The following TENM2 variants were observed in gnomAD, a reference collection of about 807,000 sequenced individuals.
TENM2 encodes teneurin-2.
Under a neutral mutation model 245.2 loss-of-function variants are expected in TENM2, and 52 were observed. The observed-to-expected ratio is 0.21, with a 90% CI of 0.17 to 0.27. The LOEUF (loss-of-function observed/expected upper bound fraction) is 0.27, where lower values mean the gene tolerates loss of function less well. TENM2 is among the 10% of genes least tolerant of loss of function. The pLI, the probability that TENM2 is intolerant of heterozygous loss-of-function variation, is 1.00. For synonymous variants in TENM2, 1,363 were observed against 1,438.9 expected, an observed-to-expected ratio of 0.95 and a Z score of 1.19; for missense variants, 3,046 against 3,666.8, an observed-to-expected ratio of 0.83 and a Z score of 4.37.
At chr5:166,988,235 A>G in the TENM2 span, among the ~76,000 whole-genome samples, 3 of 152,208 alleles carry the variant, frequency 2.0e-5, no homozygotes, top group East Asian at 5.8e-4. Context: ...CCAGTAAATC[A>G]TAGCTAAGCC....
chr5:167,603,138 A>G (rs182265746), intron 2 of TENM2, among the ~76,000 whole-genome samples: 1 of 152,330 alleles, frequency 6.6e-6, no homozygotes, highest in Admixed American at 6.5e-5. Flanking sequence ...CTGAGCCATC[A>G]CTAGATCCTC....
At chr5:167,714,943 G>A (rs1264646816) in intron 2 of TENM2, among the ~76,000 whole-genome samples, 1 of 152,146 alleles carries the variant, frequency 6.6e-6, no homozygotes. Context: ...ATAATTAATT[G>A]AAAACCTTCT....
At chr5:167,537,851 A>C (rs1007544847) in intron 2 of TENM2, among the ~76,000 whole-genome samples, 1 of 152,238 alleles carries the variant, frequency 6.6e-6, no homozygotes, top group Non-Finnish European at 1.5e-5. Context: ...GCCTGTAGAT[A>C]CCAGCCAATT....
chr5:168,194,871 G>A (rs1281343482), intron 14 of TENM2, among the ~76,000 whole-genome samples: 1 of 152,096 alleles, frequency 6.6e-6, no homozygotes, highest in East Asian at 1.9e-4. Context: ...AGAGCACCTG[G>A]GAATGATGAG....
At chr5:167,193,883 C>T in the TENM2 span, among the ~76,000 whole-genome samples, 2 of 152,016 alleles carry the variant, frequency 1.3e-5, no homozygotes, top group African/African-American at 2.4e-5. Context: ...ATGTGCTTTA[C>T]AGACACCATT....
intron 6 of TENM2, 122 bp downstream of exon 8, chr5:168,047,671 G>T (rs567416400): frequency 1.8e-5 from 22 of 1,228,152 alleles, no homozygotes; most frequent in Non-Finnish European, 9.0e-6. Flanking sequence ...GAAACGGGGG[G>T]AAAAATCATT....
rs1795873288 is a variant in TENM2, at chr5:168,126,649, G to A, written c.2210-105G>A. The A allele has an allele frequency of 3.7e-6, 3 of 810,968 alleles. No homozygotes were observed. In the South Asian group the frequency reaches 5.5e-5, roughly 15 times the overall value. The allele number at this position is 810,968 out of a possible 1,614,324, so 50.2% of individuals were successfully genotyped here. ...GCCTCCAAAGATGACAGAGCTGCTGGGCCTCGGGGCCTGCTCCAGGGGTCT... is the reference window on the plus strand; with the variant it reads ...GCCTCCAAAGATGACAGAGCTGCTGAGCCTCGGGGCCTGCTCCAGGGGTCT... On this transcript the variant is annotated intron_variant, in intron 11 of 28. Coordinates refer to ENST00000518659, the Ensembl canonical transcript of TENM2.
chr5:167,569,049 C>G (rs145270577), intron 2 of TENM2, among the ~76,000 whole-genome samples: 1 of 142,564 alleles, frequency 7.0e-6, no homozygotes, highest in African/African-American at 2.7e-5. Flanking sequence ...GTATGAGGAC[C>G]GAAATCAATG....
intron 2 of TENM2, among the ~76,000 whole-genome samples, chr5:167,857,193 G>A (rs1771169222): frequency 6.6e-6 from 1 of 152,194 alleles, no homozygotes; most frequent in African/African-American, 2.4e-5. Context: ...GTATAAAGGA[G>A]AGGTATAGAT....
intron 1 of TENM2, among the ~76,000 whole-genome samples, chr5:167,295,802 A>C (rs952695789): frequency 1.3e-5 from 2 of 151,824 alleles, no homozygotes; most frequent in Non-Finnish European, 2.9e-5. Context: ...CTGCAGCCAA[A>C]CTCTCTCACA....
At chr5:167,819,847 A>G (rs1235496492) in intron 2 of TENM2, among the ~76,000 whole-genome samples, 2 of 152,192 alleles carry the variant, frequency 1.3e-5, no homozygotes, top group Non-Finnish European at 2.9e-5. Context: ...TGTGGCTTCA[A>G]TGGGGCACCA....
chr5:167,702,421 C>T (rs1242441773), intron 2 of TENM2, among the ~76,000 whole-genome samples: 1 of 151,928 alleles, frequency 6.6e-6, no homozygotes, highest in Non-Finnish European at 1.5e-5. Flanking sequence ...CTTGCCAACA[C>T]ACTTGCTTAT....
intron 4 of TENM2, among the ~76,000 whole-genome samples, chr5:167,959,816 T>C (rs913983446): frequency 6.6e-6 from 1 of 152,218 alleles, no homozygotes; most frequent in Non-Finnish European, 1.5e-5. Flanking sequence ...TTTTGCGCTA[T>C]TTTTTCCTCA....
At chr5:167,520,010 A>G (rs1257056567) in intron 2 of TENM2, among the ~76,000 whole-genome samples, 3 of 152,310 alleles carry the variant, frequency 2.0e-5, no homozygotes, top group South Asian at 4.1e-4. Context: ...ATGTCACAAA[A>G]TGTTGGAAAT....
intron 2 of TENM2, among the ~76,000 whole-genome samples, chr5:167,503,159 C>T (rs1375821383): frequency 6.6e-6 from 1 of 152,112 alleles, no homozygotes; most frequent in Non-Finnish European, 1.5e-5. Context: ...CAAAGTAATA[C>T]ATTTTATTGT....
intron 9 of TENM2, among the ~76,000 whole-genome samples, chr5:168,101,922 T>C (rs1483048006): frequency 6.6e-6 from 1 of 152,200 alleles, no homozygotes; most frequent in Non-Finnish European, 1.5e-5. Context: ...TTCTAAAGCC[T>C]TCTTTCCCAG....
intron 2 of TENM2, among the ~76,000 whole-genome samples, chr5:167,623,531 G>T (rs551544881): frequency 2.6e-5 from 4 of 152,174 alleles, no homozygotes; most frequent in African/African-American, 7.2e-5. Flanking sequence ...ATTTTGTTTA[G>T]CCTGCACAGT....
At chr5:167,717,813 T>C (rs953200415) in intron 2 of TENM2, among the ~76,000 whole-genome samples, 1 of 152,148 alleles carries the variant, frequency 6.6e-6, no homozygotes. Flanking sequence ...CTCTGTGGGG[T>C]AGAAACTGTA....
chr5:167,002,598 AGTT>A, the TENM2 span, among the ~76,000 whole-genome samples: 1 of 151,934 alleles, frequency 6.6e-6, no homozygotes, highest in Non-Finnish European at 1.5e-5. Context: ...TGTGACCAAG[AGTT>A]CCAGACCAGC....
Sources: gnomAD v4.1 joint callset for allele counts (sites outside exome capture counted in the v4.1 genomes callset) on GRCh38, gnomAD v4.1.1 for gene constraint, MANE v1.5 for transcripts, NCBI Gene and HGNC (gene_info 2026-07-23, HGNC 2026-07-21) for gene names.